Variants in CPAMD8 observed in about 807,000 individuals in gnomAD.
CPAMD8 encodes the protein C3 and PZP-like alpha-2-macroglobulin domain-containing protein 8.
Under a neutral mutation model 224.7 loss-of-function variants are expected in CPAMD8, and 146 were observed. The ratio of observed to expected loss-of-function variants is 0.65; its 90% CI spans 0.57 to 0.75. The LOEUF (loss-of-function observed/expected upper bound fraction) is 0.75, where lower values mean the gene tolerates loss of function less well. Among genes scored for constraint, CPAMD8 ranks in the 30% least tolerant of loss-of-function variants. The pLI is 0.00. For missense variants in CPAMD8, 2,301 were observed against 2,537.5 expected (o/e 0.91, Z 2.00); for synonymous variants, 966 against 1,044.6 (o/e 0.92, Z 1.45).
Position 16,952,082 on chromosome 19 carries a change from G to A in CPAMD8, c.2395C>T (p.Leu799=). 1 of 1,564,232 alleles carries A rather than the reference G, an allele frequency of 6.4e-7. No homozygotes were observed. Among genetic ancestry groups the A allele is most frequent in the Middle Eastern group, 1.7e-4 (1 of 6,012 alleles). ...QGLGIAEPSL[L]KTFKPFFVDF... The stretch of plus-strand genomic sequence containing the variant: ...ACGAAGAAGGGCTTGAAGGTCTTCA[G>A]CAGGGAGGGCTCGGCGATGCCTAAG... Residue 799 remains leucine (L), a synonymous_variant, in exon 20 of 42, where the codon CTG becomes TTG. Coordinates refer to ENST00000443236, the MANE Select transcript of CPAMD8 (RefSeq NM_015692.5).
chr19:16,973,821 T>C (rs1275177433), intron 17 of CPAMD8, among the ~76,000 whole-genome samples: 1 of 147,238 alleles, frequency 6.8e-6, no homozygotes, highest in East Asian at 2.0e-4. Context: ...CCTGATAGCA[T>C]TAGCCCTTTT....
Position 16,893,457 on chromosome 19 carries a change from G to A in CPAMD8, c.5427-118C>T, listed in dbSNP as rs973728260. ...GGGTGCCAGGGGTGGGGAACCCACCGGCCAGGGCAGCCTCAGACCTTGATC... is the reference window on the plus strand; with the variant it reads ...GGGTGCCAGGGGTGGGGAACCCACCAGCCAGGGCAGCCTCAGACCTTGATC... On this transcript the variant is annotated intron_variant, in intron 41 of 41. Transcript: ENST00000443236. The A allele has an allele frequency of 4.5e-5, 30 of 665,308 alleles. No homozygotes were observed. The East Asian group carries it at 6.0e-4, about 13-fold the overall frequency. The allele number at this position is 665,308 out of a possible 1,614,324, so 41.2% of individuals were successfully genotyped here. A position where few individuals can be genotyped will look rare whatever the true frequency, so the allele number is the denominator to read the frequency against.
At chr19:16,919,340 C>T (rs190268588) in intron 27 of CPAMD8, among the ~76,000 whole-genome samples, 25 of 152,316 alleles carry the variant, frequency 1.6e-4, no homozygotes, top group Non-Finnish European at 2.9e-4. Context: ...GGAAGCCAGC[C>T]GCCATGTTGT....
chr19:17,020,093 G>C (rs1599932157), intron 3 of CPAMD8, among the ~76,000 whole-genome samples: 1 of 150,088 alleles, frequency 6.7e-6, no homozygotes, highest in African/African-American at 2.5e-5. Flanking sequence ...TCCTGCCTCA[G>C]CCTCCCGAGT....
intron 19 of CPAMD8, 191 bp downstream of exon 19, chr19:16,957,662 A>G (rs776655740): frequency 3.6e-5 from 23 of 631,540 alleles, no homozygotes; most frequent in Non-Finnish European, 5.7e-5. Context: ...TTCACAGGCA[A>G]ACGTCCAAAT....
In CPAMD8 at chr19:16,961,770, G is replaced by A. The variant is rs533094143; in HGVS notation, c.2214-3855C>T. Among the ~76,000 whole-genome samples the A allele has an allele frequency of 1.8e-4, 27 of 152,318 alleles. No homozygotes were observed. In the East Asian group the frequency reaches 4.2e-3, roughly 24 times the overall value. ...TGGGAGACACCTCCCAGGAGGGGCCGACAAACACCTCATATAGGCGGGTAC... is the reference window on the plus strand; with the variant it reads ...TGGGAGACACCTCCCAGGAGGGGCCAACAAACACCTCATATAGGCGGGTAC... On this transcript the variant is annotated intron_variant, in intron 18 of 41. Transcript: ENST00000443236.
intron 13 of CPAMD8, among the ~76,000 whole-genome samples, chr19:16,983,399 AAAATAAATAAATAAAT>A (rs55638415): frequency 6.7e-6 from 1 of 150,272 alleles, no homozygotes; most frequent in Non-Finnish European, 1.5e-5. Flanking sequence ...ACTCCATCTC[AAAATAAATAAATAAAT>A]AAATAAATAA....
chr19:16,979,216 C>T (rs2055399470), intron 14 of CPAMD8, among the ~76,000 whole-genome samples: 1 of 151,068 alleles, frequency 6.6e-6, no homozygotes, highest in South Asian at 2.1e-4. Context: ...CGCCCACCCA[C>T]TATCCATCCA....
At chr19:17,008,362 C>T (rs2056550192) in intron 7 of CPAMD8, 143 bp downstream of exon 7, 1 of 1,045,396 alleles carries the variant, frequency 9.6e-7, no homozygotes, top group Non-Finnish European at 1.4e-6. Context: ...CAGGTGGGTA[C>T]CTGCCCTCCG....
intron 12 of CPAMD8, among the ~76,000 whole-genome samples, chr19:16,989,993 T>A (rs1359984285): frequency 6.6e-6 from 1 of 152,212 alleles, no homozygotes; most frequent in African/African-American, 2.4e-5. Flanking sequence ...GACTCACACC[T>A]GTAATCACAG....
intron 23 of CPAMD8, among the ~76,000 whole-genome samples, chr19:16,934,742 T>G (rs1161358765): frequency 2.6e-5 from 4 of 152,228 alleles, no homozygotes; most frequent in Non-Finnish European, 4.4e-5. Flanking sequence ...TCCTTCTACC[T>G]TCCCAAATTT....
chr19:16,946,501 ATG>A (rs1383102969), intron 21 of CPAMD8, among the ~76,000 whole-genome samples: 9 of 93,864 alleles, frequency 9.6e-5, no homozygotes, highest in African/African-American at 2.4e-4. Context: ...ACATGTGGGC[ATG>A]TGTGTGTGGA....
intron 11 of CPAMD8, among the ~76,000 whole-genome samples, chr19:16,996,293 T>C (rs1289156947): frequency 6.8e-6 from 1 of 147,874 alleles, no homozygotes; most frequent in Non-Finnish European, 1.5e-5. Context: ...AGCTATGATC[T>C]CACCACTGCA....
At chr19:16,917,275 T>C (rs1365357940) in intron 27 of CPAMD8, among the ~76,000 whole-genome samples, 4 of 151,796 alleles carry the variant, frequency 2.6e-5, no homozygotes, top group Admixed American at 6.6e-5. Context: ...GAGTGAACTC[T>C]AATGTAGATT....
intron 17 of CPAMD8, 29 bp downstream of exon 17, chr19:16,975,068 C>A (rs984070754): frequency 6.2e-7 from 1 of 1,604,480 alleles, no homozygotes; most frequent in Non-Finnish European, 8.5e-7. Flanking sequence ...TAGAAGGGGG[C>A]AGAGGGATCT....
chr19:16,959,545 C>G (rs1182987694), intron 18 of CPAMD8, among the ~76,000 whole-genome samples: 1 of 139,666 alleles, frequency 7.2e-6, no homozygotes, highest in Non-Finnish European at 1.6e-5. Context: ...CGTATATTTT[C>G]TTTTTTTTTT....
In CPAMD8 at chr19:16,897,810, C is replaced by G. The variant is rs114146619; in HGVS notation, c.4955-9G>C. On this transcript the variant is annotated splice_polypyrimidine_tract_variant and intron_variant, in intron 38 of 41. Coordinates refer to ENST00000443236, the MANE Select transcript of CPAMD8 (RefSeq NM_015692.5). ...GCGAGTGGCCTCGAAGGCTACGGGA[C>G]GAGGGTGGCGGGTGACCAAGTGCAG... 9.5e-6 allele frequency: 15 copies of G among 1,577,730 alleles called. No individual in the cohort carries two copies. Among genetic ancestry groups the G allele is most frequent in the Admixed American group, 5.5e-5 (3 of 54,124 alleles).
chr19:16,931,778 C>T (rs1421616380), intron 23 of CPAMD8, among the ~76,000 whole-genome samples: 1 of 152,214 alleles, frequency 6.6e-6, no homozygotes, highest in Non-Finnish European at 1.5e-5. Flanking sequence ...ATCACAGCCT[C>T]CACTAATAAC....
chr19:16,952,665 A>T (rs374396394), intron 19 of CPAMD8, among the ~76,000 whole-genome samples: 163 of 152,292 alleles, frequency 1.1e-3, no homozygotes, highest in African/African-American at 3.8e-3. Flanking sequence ...CAACAGAGTG[A>T]GATCCCTGTC....
Sources: gnomAD v4.1 joint callset for allele counts (sites outside exome capture counted in the v4.1 genomes callset) on GRCh38, gnomAD v4.1.1 for gene constraint, MANE v1.5 for transcripts, NCBI Gene and HGNC (gene_info 2026-07-23, HGNC 2026-07-21) for gene names.